The following CAMK4 variants were observed in gnomAD, a reference collection of about 807,000 sequenced individuals.
The protein encoded by CAMK4 is calcium/calmodulin-dependent protein kinase type IV.
CAMK4 carries 22 observed loss-of-function variants against 44.9 expected under a neutral mutation model. The observed-to-expected ratio is 0.49, with a 90% CI of 0.35 to 0.70. The LOEUF (loss-of-function observed/expected upper bound fraction) is 0.70. Among genes scored for constraint, CAMK4 ranks in the 30% least tolerant of loss-of-function variants. The probability of loss-of-function intolerance (pLI) is 0.01; values close to 1 mark genes in which losing one functional copy is unlikely to be tolerated. For missense variants in CAMK4, 498 were observed against 586.8 expected, an observed-to-expected ratio of 0.85 and a Z score of 1.56; for synonymous variants, 218 against 215.4, an observed-to-expected ratio of 1.01 and a Z score of -0.11.
At chr5:111,341,840 T>C (rs927495495) in intron 1 of CAMK4, among the ~76,000 whole-genome samples, 1 of 151,388 alleles carries the variant, frequency 6.6e-6, no homozygotes, top group Non-Finnish European at 1.5e-5. Context: ...CTAGTAATTG[T>C]TGGAGCTGCC....
chr5:111,468,572 C>T (rs777038580), intron 7 of CAMK4, among the ~76,000 whole-genome samples: 5 of 152,166 alleles, frequency 3.3e-5, no homozygotes, highest in African/African-American at 7.2e-5. Flanking sequence ...AGCTGGGGTG[C>T]TAGAGCCTGA....
intron 1 of CAMK4, among the ~76,000 whole-genome samples, chr5:111,332,404 T>G (rs932234485): frequency 6.6e-6 from 1 of 151,522 alleles, no homozygotes; most frequent in Non-Finnish European, 1.5e-5. Context: ...GCAAAGGACA[T>G]GAACTCATCA....
intron 7 of CAMK4, among the ~76,000 whole-genome samples, chr5:111,466,486 T>C (rs1754833001): frequency 6.6e-6 from 1 of 152,104 alleles, no homozygotes; most frequent in South Asian, 2.1e-4. Context: ...ATCTGATAAA[T>C]GAATTCAGCA....
chr5:111,385,559 A>T (rs1751569455), intron 4 of CAMK4, among the ~76,000 whole-genome samples: 1 of 151,764 alleles, frequency 6.6e-6, no homozygotes, highest in South Asian at 2.1e-4. Context: ...AGCAATATAT[A>T]TATATGTGTG....
chr5:111,399,629 T>A (rs991707416), intron 5 of CAMK4, among the ~76,000 whole-genome samples: 6 of 152,350 alleles, frequency 3.9e-5, no homozygotes, highest in Non-Finnish European at 8.8e-5. Flanking sequence ...TCATTCTGTA[T>A]TTTTTCTTTC....
intron 5 of CAMK4, among the ~76,000 whole-genome samples, chr5:111,417,638 C>T (rs780139668): frequency 1.3e-5 from 2 of 152,272 alleles, no homozygotes; most frequent in Non-Finnish European, 2.9e-5. Context: ...TTACAGATGT[C>T]AGCCCCCATG....
At chr5:111,396,298 T>A (rs462206) in intron 5 of CAMK4, among the ~76,000 whole-genome samples, 1 of 152,020 alleles carries the variant, frequency 6.6e-6, no homozygotes, top group African/African-American at 2.4e-5. Context: ...GTTTGAAATG[T>A]GAGTGAATAA....
At chr5:111,435,632 C>G (rs576235452) in intron 5 of CAMK4, among the ~76,000 whole-genome samples, 3 of 152,292 alleles carry the variant, frequency 2.0e-5, no homozygotes, top group African/African-American at 7.2e-5. Flanking sequence ...TCCCTTTTTA[C>G]TTTTGTGCTC....
intron 5 of CAMK4, among the ~76,000 whole-genome samples, chr5:111,436,098 G>C (rs1020558164): frequency 6.6e-6 from 1 of 151,964 alleles, no homozygotes; most frequent in Middle Eastern, 3.2e-3. Context: ...ACTTAATAAG[G>C]ATTGCTACTG....
chr5:111,320,195 A>G (rs1175530850), intron 1 of CAMK4, among the ~76,000 whole-genome samples: 2 of 152,198 alleles, frequency 1.3e-5, no homozygotes, highest in African/African-American at 2.4e-5. Flanking sequence ...AGATAAGACC[A>G]GAAGAAAGAA....
At chr5:111,268,213 T>C (rs1750351258) in intron 1 of CAMK4, among the ~76,000 whole-genome samples, 1 of 152,234 alleles carries the variant, frequency 6.6e-6, no homozygotes, top group South Asian at 2.1e-4. Context: ...GTGAATATGG[T>C]ACTGATTTTC....
intron 4 of CAMK4, among the ~76,000 whole-genome samples, chr5:111,381,938 G>GTAAAGAT (rs3066723): frequency 1.3e-5 from 2 of 151,664 alleles, no homozygotes; most frequent in Non-Finnish European, 2.9e-5. Context: ...AACAGAATTA[G>GTAAAGAT]TAATGATCTT....
chr5:111,481,692 T>C (rs1022083660), intron 9 of CAMK4, among the ~76,000 whole-genome samples: 1 of 152,160 alleles, frequency 6.6e-6, no homozygotes, highest in Non-Finnish European at 1.5e-5. Flanking sequence ...GGCCACAAGA[T>C]GCGCTCTGAC....
chr5:111,224,691 G>T lies in CAMK4; in HGVS notation c.161+47G>T. ...GGGAAGCCCGCGGCGTGCACTGGGGGTTGTCCCTCTCGCAGCGACGGCTCG... is the reference window on the plus strand; with the variant it reads ...GGGAAGCCCGCGGCGTGCACTGGGGTTTGTCCCTCTCGCAGCGACGGCTCG... On this transcript the variant is annotated intron_variant, in intron 1 of 10. Transcript: ENST00000282356. This position sits in a 1 kb window ranked among gnomAD's most constrained non-coding sequence, Gnocchi z 5.7. 3 of 1,562,408 alleles carry T rather than the reference G, an allele frequency of 1.9e-6. No individual in the cohort carries two copies. The highest frequency in any genetic ancestry group is 2.6e-6 in the Non-Finnish European group (3 of 1,151,560).
chr5:111,368,977 A>G (rs1272142041), intron 2 of CAMK4, among the ~76,000 whole-genome samples: 1 of 150,850 alleles, frequency 6.6e-6, no homozygotes, highest in Non-Finnish European at 1.5e-5. Flanking sequence ...CAAATGTATA[A>G]TGTTAAATTT....
chr5:111,443,437 C>T (rs1191535835), intron 5 of CAMK4, among the ~76,000 whole-genome samples: 1 of 149,578 alleles, frequency 6.7e-6, no homozygotes, highest in African/African-American at 2.5e-5. Context: ...CTCTGCATGT[C>T]TTTTTAAAAG....
chr5:111,473,524 G>A (rs570144274), intron 8 of CAMK4, 138 bp downstream of exon 8: 1 of 613,764 alleles, frequency 1.6e-6, no homozygotes, highest in Admixed American at 3.1e-5. Flanking sequence ...AATGCAGTTA[G>A]TGATAGAATT....
chr5:111,361,315 C>T (rs1284802996), intron 2 of CAMK4, among the ~76,000 whole-genome samples: 3 of 151,912 alleles, frequency 2.0e-5, no homozygotes, highest in African/African-American at 7.2e-5. Flanking sequence ...AGGAAAAGAT[C>T]AAAGGAATAT....
rs1755602007 is a variant in CAMK4, at chr5:111,485,955, G to T, written c.*1489G>T. On this transcript the variant is annotated 3_prime_UTR_variant, in exon 11 of 11. Transcript: ENST00000282356. ...GGTGGGTTTTCTCAATTTTAAAAAAGAATTCATTTTAAAAAATAATTATTT... is the reference window on the plus strand; with the variant it reads ...GGTGGGTTTTCTCAATTTTAAAAAATAATTCATTTTAAAAAATAATTATTT... 6.6e-6 allele frequency: 1 copy of T among 151,792 alleles called. No individual in the cohort carries two copies. Among genetic ancestry groups the T allele is most frequent in the South Asian group, 2.1e-4 (1 of 4,808 alleles). The allele number at this position is 151,792 out of a possible 1,614,324, so 9.4% of individuals were successfully genotyped here.
Sources: allele counts gnomAD v4.1 joint callset (sites outside exome capture counted in the v4.1 genomes callset), GRCh38; gene constraint gnomAD v4.1.1; non-coding constraint Gnocchi (gnomAD v3.1); transcripts MANE v1.5; gene names NCBI Gene and HGNC (gene_info 2026-07-23, HGNC 2026-07-21).